Variants in DLGAP1 observed in about 807,000 individuals in gnomAD.
DLGAP1 encodes the protein disks large-associated protein 1.
In DLGAP1, 11 loss-of-function variants were observed where a neutral mutation model predicts 90.8. That is an observed-to-expected ratio of 0.12 (90% CI 0.08 to 0.20). The LOEUF is 0.20. Ranked by LOEUF, DLGAP1 falls within the 10% of genes least tolerant of loss-of-function variation. The probability of loss-of-function intolerance (pLI) is 1.00; values close to 1 mark genes in which losing one functional copy is unlikely to be tolerated. For missense variants in DLGAP1, 1,050 were observed against 1,333.8 expected (o/e 0.79, Z 3.31); for synonymous variants, 558 against 540.7 (o/e 1.03, Z -0.44).
intron 1 of DLGAP1, among the ~76,000 whole-genome samples, chr18:4,253,355 A>G (rs2078822509): frequency 1.3e-5 from 2 of 152,182 alleles, no homozygotes; most frequent in Admixed American, 1.3e-4. Context: ...AATATTCTGA[A>G]ATATTTGAAC....
At chr18:4,331,549 T>C (rs582789) in intron 1 of DLGAP1, among the ~76,000 whole-genome samples, 129,436 of 151,454 alleles carry the variant, frequency 0.85, 55,635 homozygotes, top group Non-Finnish European at 0.89. Context: ...GCAAGGATGA[T>C]CTTAAATACA....
intron 7 of DLGAP1, among the ~76,000 whole-genome samples, chr18:3,658,268 T>C (rs1041588370): frequency 6.6e-6 from 1 of 152,216 alleles, no homozygotes; most frequent in African/African-American, 2.4e-5. Context: ...TAACTTTTGT[T>C]TTTGATATAA....
intron 4 of DLGAP1, among the ~76,000 whole-genome samples, chr18:3,815,748 T>C (rs754540547): frequency 6.6e-6 from 1 of 152,186 alleles, no homozygotes; most frequent in African/African-American, 2.4e-5. Flanking sequence ...TTCTTCATTT[T>C]TCATGACGTG....
chr18:4,115,481 T>TCTTCCTTCCTTCCTTCCTTCCTTCCTTC (rs1568404997), intron 2 of DLGAP1, among the ~76,000 whole-genome samples: 1 of 147,504 alleles, frequency 6.8e-6, no homozygotes, highest in African/African-American at 2.7e-5. Flanking sequence ...TTTCTTCCTT[T>TCTTCCTTCCTTCCTTCCTTCCTTCCTTC]CTTTCTTTCT....
chr18:4,321,369 A>C (rs1396068446), intron 1 of DLGAP1, among the ~76,000 whole-genome samples: 1 of 152,234 alleles, frequency 6.6e-6, no homozygotes, highest in African/African-American at 2.4e-5. Flanking sequence ...AATCATTGAC[A>C]AAGAATGTAA....
chr18:3,503,946 A>G (rs953762835), intron 11 of DLGAP1, among the ~76,000 whole-genome samples: 1 of 152,176 alleles, frequency 6.6e-6, no homozygotes, highest in African/African-American at 2.4e-5. Context: ...AAATACAAAA[A>G]TAATCCAGGC....
At chr18:3,582,797 G>C (rs1347976601) in intron 7 of DLGAP1, among the ~76,000 whole-genome samples, 6 of 151,972 alleles carry the variant, frequency 3.9e-5, no homozygotes, top group Non-Finnish European at 4.4e-5. Context: ...GGTAGCTGCT[G>C]CAACTTGTTT....
intron 5 of DLGAP1, chr18:3,771,168 C>T (rs902183885): frequency 2.0e-5 from 3 of 152,220 alleles, no homozygotes; most frequent in African/African-American, 7.2e-5. Flanking sequence ...GAACGTGCTG[C>T]ACGAGCTCAG....
chr18:4,127,078 T>C (rs2144166339), intron 2 of DLGAP1, among the ~76,000 whole-genome samples: 1 of 152,232 alleles, frequency 6.6e-6, no homozygotes, highest in Middle Eastern at 3.4e-3. Flanking sequence ...CAGTTGAAAA[T>C]TTCCAAGAAT....
At chr18:4,188,180 A>G (rs1178166450) in intron 1 of DLGAP1, among the ~76,000 whole-genome samples, 1 of 152,020 alleles carries the variant, frequency 6.6e-6, no homozygotes. Flanking sequence ...CCGTGCTCTA[A>G]TTGGTTTCAT....
chr18:4,249,629 C>T (rs928256017), intron 1 of DLGAP1, among the ~76,000 whole-genome samples: 1 of 152,104 alleles, frequency 6.6e-6, no homozygotes, highest in African/African-American at 2.4e-5. Context: ...ACTCAATTGC[C>T]TAGGCTGGTG....
chr18:4,446,555 T>C (rs765388695), intron 1 of DLGAP1, among the ~76,000 whole-genome samples: 1 of 152,182 alleles, frequency 6.6e-6, no homozygotes, highest in Non-Finnish European at 1.5e-5. Context: ...AAATTTAGAA[T>C]GTAATTAAAG....
At chr18:3,728,366 G>A (rs1400845472) in intron 7 of DLGAP1, among the ~76,000 whole-genome samples, 2 of 145,558 alleles carry the variant, frequency 1.4e-5, no homozygotes, top group African/African-American at 2.6e-5. Context: ...TATAGCCCAC[G>A]GTATATATAT....
intron 1 of DLGAP1, among the ~76,000 whole-genome samples, chr18:4,418,351 C>A (rs2082951238): frequency 6.6e-6 from 1 of 152,118 alleles, no homozygotes; most frequent in Non-Finnish European, 1.5e-5. Context: ...ACACTCCCAA[C>A]AGACAAAGTA....
intron 1 of DLGAP1, among the ~76,000 whole-genome samples, chr18:4,335,404 ACAGTAT>A (rs1194072796): frequency 1.3e-5 from 2 of 151,992 alleles, no homozygotes; most frequent in Non-Finnish European, 2.9e-5. Flanking sequence ...AGTGCCTTGC[ACAGTAT>A]CAGTAATAAA....
At chr18:3,987,378 A>T (rs1047864300) in intron 3 of DLGAP1, among the ~76,000 whole-genome samples, 3 of 152,150 alleles carry the variant, frequency 2.0e-5, no homozygotes, top group Non-Finnish European at 2.9e-5. Context: ...AAAACAAAAA[A>T]CCCACTGGCT....
intron 1 of DLGAP1, among the ~76,000 whole-genome samples, chr18:4,283,212 G>A (rs1012936036): frequency 2.0e-5 from 3 of 152,180 alleles, no homozygotes; most frequent in African/African-American, 7.2e-5. Context: ...GATATGTAAT[G>A]CTGATTTCTG....
chr18:4,158,103 T>C (rs1162835710), intron 1 of DLGAP1, among the ~76,000 whole-genome samples: 1 of 152,154 alleles, frequency 6.6e-6, no homozygotes, highest in Non-Finnish European at 1.5e-5. Context: ...AAATGAAATA[T>C]AAAGTTATTT....
intron 2 of DLGAP1, among the ~76,000 whole-genome samples, chr18:4,050,266 A>G (rs1598305273): frequency 6.6e-6 from 1 of 151,354 alleles, no homozygotes; most frequent in Non-Finnish European, 1.5e-5. Flanking sequence ...GAACTTTAGG[A>G]GAAAAAAAAT....
Sources: gnomAD v4.1 joint callset for allele counts (sites outside exome capture counted in the v4.1 genomes callset) on GRCh38, gnomAD v4.1.1 for gene constraint, MANE v1.5 for transcripts, NCBI Gene and HGNC (gene_info 2026-07-23, HGNC 2026-07-21) for gene names.